The following IRAG1 variants were observed in gnomAD, a reference collection of about 807,000 sequenced individuals.
IRAG1 encodes the protein inositol 1,4,5-triphosphate receptor associated 1.
IRAG1 carries 62 observed loss-of-function variants against 106.2 expected under a neutral mutation model. That is an observed-to-expected ratio of 0.58 (90% CI 0.48 to 0.72). IRAG1 has a LOEUF of 0.72. IRAG1 is among the 30% of genes least tolerant of loss of function. The probability of loss-of-function intolerance (pLI) is 0.00; values close to 1 mark genes in which losing one functional copy is unlikely to be tolerated. For missense variants in IRAG1, 1,064 were observed against 1,140.7 expected, an observed-to-expected ratio of 0.93 and a Z score of 0.97; for synonymous variants, 462 against 443.9, an observed-to-expected ratio of 1.04 and a Z score of -0.51.
chr11:10,598,643 A>G (rs1176214391), intron 15 of IRAG1, among the ~76,000 whole-genome samples: 2 of 152,278 alleles, frequency 1.3e-5, no homozygotes, highest in East Asian at 3.8e-4. Flanking sequence ...AATTGTGTCA[A>G]TGGCACGGTG....
At chr11:10,583,048 A>G (rs1214793926) in intron 18 of IRAG1, among the ~76,000 whole-genome samples, 1 of 152,220 alleles carries the variant, frequency 6.6e-6, no homozygotes, top group Non-Finnish European at 1.5e-5. Flanking sequence ...ACTTAAAAAG[A>G]GGCAGTGTGG....
chr11:10,648,500 G>A (rs1858164368), intron 2 of IRAG1, among the ~76,000 whole-genome samples: 1 of 152,202 alleles, frequency 6.6e-6, no homozygotes, highest in Admixed American at 6.5e-5. Flanking sequence ...GTTATAGAGA[G>A]CTTTGCCTGC....
rs764578817 is a variant in IRAG1 at position 10,576,194 on chromosome 11, C to G, written c.*138G>C. 4.5e-6 allele frequency: 5 copies of G among 1,103,306 alleles called. No homozygotes were observed. Among genetic ancestry groups the G allele is most frequent in the Non-Finnish European group, 6.4e-6 (5 of 780,736 alleles). The allele number at this position is 1,103,306 out of a possible 1,614,324, so 68.3% of individuals were successfully genotyped here. ...GTATGAATAGCTCCCACAGAAGTGC[C>G]GAGTGTTAAAAGAACCCTTCCTCAT... On this transcript the variant is annotated 3_prime_UTR_variant, in exon 21 of 21. Coordinates refer to ENST00000423302, the MANE Select transcript of IRAG1 (RefSeq NM_130385.4).
intron 8 of IRAG1, among the ~76,000 whole-genome samples, 196 bp from the exon 9 acceptor site, chr11:10,626,779 G>C (rs1194274507): frequency 6.6e-6 from 1 of 152,248 alleles, no homozygotes; most frequent in African/African-American, 2.4e-5. Context: ...CAGGAAAATG[G>C]AACCTGCAAT....
chr11:10,655,921 C>T (rs1858886353), intron 1 of IRAG1, among the ~76,000 whole-genome samples: 1 of 152,162 alleles, frequency 6.6e-6, no homozygotes, highest in Admixed American at 6.5e-5. Flanking sequence ...GATGGAACCC[C>T]AGGCTCCTCA....
intron 1 of IRAG1, among the ~76,000 whole-genome samples, chr11:10,691,438 C>T (rs536855317): frequency 2.0e-5 from 3 of 152,228 alleles, no homozygotes; most frequent in South Asian, 4.1e-4. Flanking sequence ...GGACCCATCA[C>T]GTATAGTTCA....
chr11:10,614,980 C>T (rs1464235714), intron 10 of IRAG1, among the ~76,000 whole-genome samples: 1 of 152,168 alleles, frequency 6.6e-6, no homozygotes, highest in Non-Finnish European at 1.5e-5. Context: ...AAAGAAACTA[C>T]CATCAGAGTG....
At chr11:10,621,606 T>C (rs1036180701) in intron 10 of IRAG1, among the ~76,000 whole-genome samples, 1 of 152,164 alleles carries the variant, frequency 6.6e-6, no homozygotes, top group Non-Finnish European at 1.5e-5. Flanking sequence ...TTAAAACTGT[T>C]CATGAGATGG....
intron 7 of IRAG1, 37 bp downstream of exon 7, chr11:10,627,936 G>T: frequency 6.3e-7 from 1 of 1,587,438 alleles, no homozygotes; most frequent in Non-Finnish European, 8.6e-7. Context: ...AGACCCATTG[G>T]CATAGAAACA....
chr11:10,632,454 G>A (rs185759630), intron 3 of IRAG1, among the ~76,000 whole-genome samples: 1 of 152,152 alleles, frequency 6.6e-6, no homozygotes, highest in African/African-American at 2.4e-5. Context: ...CCAAAGTGCT[G>A]GGATTACAGG....
At chr11:10,691,087 G>C (rs1007546698) in intron 1 of IRAG1, among the ~76,000 whole-genome samples, 2 of 152,220 alleles carry the variant, frequency 1.3e-5, no homozygotes, top group East Asian at 3.9e-4. Flanking sequence ...AGAGGAGGCA[G>C]GGTGAGAGAG....
chr11:10,633,129 C>A (rs1286199996), intron 3 of IRAG1, among the ~76,000 whole-genome samples: 1 of 141,972 alleles, frequency 7.0e-6, no homozygotes, highest in East Asian at 2.1e-4. Flanking sequence ...GGCTGGAGTG[C>A]AGTGGCGCGA....
chr11:10,601,107 T>C, intron 14 of IRAG1, 48 bp from the exon 15 acceptor site: 1 of 1,608,304 alleles, frequency 6.2e-7, no homozygotes, highest in Non-Finnish European at 8.5e-7. Flanking sequence ...GAGGAAAGGC[T>C]CCGTTGGCAC....
At position 10,594,191 on chromosome 11, in the gene IRAG1, A is replaced by G; in HGVS notation, c.2022T>C (p.Asp674=). 6.2e-7 allele frequency: 1 copy of G among 1,609,880 alleles called. No individual in the cohort carries two copies. The highest frequency in any genetic ancestry group is 1.1e-5 in the South Asian group (1 of 89,676). Residue 674 remains aspartate (D), a synonymous_variant, in exon 16 of 21, where the codon GAT becomes GAC. Coordinates refer to ENST00000423302, the MANE Select transcript of IRAG1 (RefSeq NM_130385.4). The part of the protein sequence containing the change: ...NSSRSCGPSE[D]GVPRTARSMS... ...TGGACCGTGCCGTGCGAGGGACCCCATCTTCTGCAGCAGGAGGGAGCAGAG... is the reference window on the plus strand; with the variant it reads ...TGGACCGTGCCGTGCGAGGGACCCCGTCTTCTGCAGCAGGAGGGAGCAGAG...
At chr11:10,634,717 G>A (rs1857003872) in intron 2 of IRAG1, among the ~76,000 whole-genome samples, 1 of 148,934 alleles carries the variant, frequency 6.7e-6, no homozygotes, top group Admixed American at 6.7e-5. Context: ...TGCAAAAGGT[G>A]AGATTTCCTT....
chr11:10,596,010 C>T (rs1046011812), intron 15 of IRAG1, among the ~76,000 whole-genome samples: 1 of 152,190 alleles, frequency 6.6e-6, no homozygotes, highest in African/African-American at 2.4e-5. Context: ...ACGCATGTTC[C>T]TGCAAAAGAG....
intron 10 of IRAG1, among the ~76,000 whole-genome samples, chr11:10,619,763 G>C (rs1409404897): frequency 6.6e-6 from 1 of 152,208 alleles, no homozygotes; most frequent in Non-Finnish European, 1.5e-5. Context: ...AGCGTGGAGA[G>C]AATTAGAACC....
Position 10,652,128 on chromosome 11 carries a change from G to A in IRAG1, c.122C>T (p.Pro41Leu), listed in dbSNP as rs780026032. Residue 41 changes from proline to leucine, a missense_variant, in exon 2 of 21, where the codon CCG (proline) becomes CTG (leucine). Coordinates refer to ENST00000423302, the MANE Select transcript of IRAG1 (RefSeq NM_130385.4). ...SIFGADAAEV[P>L]GTRGHSQQEA... ...CTGCTGGGAGTGGCCACGTGTGCCC[G>A]GAACCTCCGCTGCGTCAGCCCCAAA... The A allele has an allele frequency of 2.0e-5, 32 of 1,612,248 alleles. No individual in the cohort carries two copies. The highest frequency in any genetic ancestry group is 4.5e-5 in the East Asian group (2 of 44,814).
intron 18 of IRAG1, chr11:10,586,073 G>C (rs890632303): frequency 6.6e-6 from 1 of 152,240 alleles, no homozygotes; most frequent in Admixed American, 6.5e-5. Context: ...CCTGCCCTCA[G>C]GCTGGACCAT....
Sources: gnomAD v4.1 joint callset for allele counts (sites outside exome capture counted in the v4.1 genomes callset) on GRCh38, gnomAD v4.1.1 for gene constraint, MANE v1.5 for transcripts, NCBI Gene and HGNC (gene_info 2026-07-23, HGNC 2026-07-21) for gene names.